Variants in ATP2C1 observed in about 807,000 individuals in gnomAD.
ATP2C1 encodes the protein calcium-transporting ATPase type 2C member 1.
ATP2C1 carries 31 observed loss-of-function variants against 120.5 expected under a neutral mutation model. That is an observed-to-expected ratio of 0.26 (90% confidence interval 0.19 to 0.35). The LOEUF (loss-of-function observed/expected upper bound fraction) is 0.35. ATP2C1 is among the 10% of genes least tolerant of loss of function. The probability of loss-of-function intolerance (pLI) is 1.00; values close to 1 mark genes in which losing one functional copy is unlikely to be tolerated. For synonymous variants in ATP2C1, 351 were observed against 358.7 expected, an observed-to-expected ratio of 0.98 and a Z score of 0.24; for missense variants, 731 against 1,107.5, an observed-to-expected ratio of 0.66 and a Z score of 4.83.
chr3:130,914,323 G>GT (rs147244849), intron 2 of ATP2C1: 5,540 of 147,010 alleles, frequency 0.038, 191 homozygotes, highest in African/African-American at 0.09. Flanking sequence ...TTTTTTGTTT[G>GT]TTTTTTTTTT....
intron 18 of ATP2C1, among the ~76,000 whole-genome samples, chr3:130,977,857 T>TA (rs2061590348): frequency 6.6e-6 from 1 of 152,356 alleles, no homozygotes; most frequent in African/African-American, 2.4e-5. Context: ...GATATGTACT[T>TA]ACATTACATC....
At chr3:130,922,558 G>A (rs1307675507) in intron 2 of ATP2C1, among the ~76,000 whole-genome samples, 1 of 152,064 alleles carries the variant, frequency 6.6e-6, no homozygotes, top group African/African-American at 2.4e-5. Flanking sequence ...TAGATTGTCT[G>A]TGCTCTTTCA....
At chr3:130,940,751 T>A in intron 7 of ATP2C1, 60 bp downstream of exon 7, 1 of 1,226,024 alleles carries the variant, frequency 8.2e-7, no homozygotes. Context: ...TGAATGTGAC[T>A]AGTACCGTAC....
chr3:130,879,635 A>G (rs1301385177), intron 1 of ATP2C1, among the ~76,000 whole-genome samples: 1 of 152,030 alleles, frequency 6.6e-6, no homozygotes, highest in African/African-American at 2.4e-5. Context: ...CTCTATGTTA[A>G]TATCTGTGCA....
intron 8 of ATP2C1, among the ~76,000 whole-genome samples, chr3:130,951,139 T>G (rs1435063111): frequency 1.3e-5 from 2 of 152,190 alleles, no homozygotes; most frequent in Admixed American, 1.3e-4. Context: ...TATATAAATT[T>G]ACTTGTAATT....
At chr3:130,930,580 A>G (rs1310226965) in intron 3 of ATP2C1, 54 bp downstream of exon 3, 1 of 1,099,012 alleles carries the variant, frequency 9.1e-7, no homozygotes, top group East Asian at 2.4e-5. Flanking sequence ...AGTCACTTAG[A>G]CTCTATAAAA....
chr3:130,855,414 C>T (rs1159259755), intron 1 of ATP2C1, among the ~76,000 whole-genome samples: 3 of 152,066 alleles, frequency 2.0e-5, no homozygotes, highest in Admixed American at 6.6e-5. Flanking sequence ...GGAGGGTTCA[C>T]GGGGCTGAGG....
chr3:130,930,093 A>G (rs2059389056), intron 2 of ATP2C1: 3 of 373,614 alleles, frequency 8.0e-6, no homozygotes, highest in Non-Finnish European at 1.5e-5. Flanking sequence ...GATTATTTGT[A>G]ATCATCAGGA....
intron 1 of ATP2C1, chr3:130,868,568 T>G (rs879670553): frequency 3.9e-4 from 21 of 53,510 alleles, no homozygotes; most frequent in Admixed American, 2.9e-3. Flanking sequence ...GCCCCCCGCC[T>G]GGCCAGCCGC....
chr3:130,892,551 T>C (rs1202457132), upstream of ATP2C1, among the ~76,000 whole-genome samples: 1 of 151,928 alleles, frequency 6.6e-6, no homozygotes. Flanking sequence ...AAAAGAAAGG[T>C]AAATCTAAAA....
chr3:130,956,704 G>A (rs1448766201), intron 11 of ATP2C1, among the ~76,000 whole-genome samples: 2 of 151,862 alleles, frequency 1.3e-5, no homozygotes, highest in African/African-American at 2.4e-5. Flanking sequence ...TAGTCAAAGG[G>A]GATCCATGTA....
At chr3:130,941,352 A>G (rs545735941) in intron 7 of ATP2C1, among the ~76,000 whole-genome samples, 3 of 152,048 alleles carry the variant, frequency 2.0e-5, no homozygotes, top group African/African-American at 4.8e-5. Flanking sequence ...GTGATTCACA[A>G]TCAAACAGAC....
At chr3:130,928,053 C>T (rs1028824927) in intron 2 of ATP2C1, 7 of 152,568 alleles carry the variant, frequency 4.6e-5, no homozygotes, top group Non-Finnish European at 1.0e-4. Context: ...GGGCAGCTTC[C>T]ATGTTCTTCG....
chr3:130,956,040 TG>T, intron 10 of ATP2C1, 63 bp from the exon 11 acceptor site: 1 of 1,114,390 alleles, frequency 9.0e-7, no homozygotes, highest in Non-Finnish European at 1.4e-6. Flanking sequence ...AGCAAGCCCC[TG>T]GCACTTGATA....
intron 1 of ATP2C1, among the ~76,000 whole-genome samples, chr3:130,855,576 G>A (rs1011971613): frequency 4.7e-4 from 72 of 152,192 alleles, no homozygotes; most frequent in African/African-American, 1.6e-3. Context: ...GCCCAAGCTC[G>A]CATGGCTCAT....
chr3:130,921,221 A>G (rs912707859), intron 2 of ATP2C1, among the ~76,000 whole-genome samples: 4 of 145,160 alleles, frequency 2.8e-5, no homozygotes, highest in Non-Finnish European at 6.1e-5. Flanking sequence ...AGCTGGGATT[A>G]TAGGTGCCTG....
At chr3:130,896,478 AT>A (rs538181548) in intron 2 of ATP2C1, among the ~76,000 whole-genome samples, 228 of 151,412 alleles carry the variant, frequency 1.5e-3, no homozygotes, top group Middle Eastern at 3.4e-3. Context: ...CTATCGTCAC[AT>A]TTTTTTTTAT....
rs74926099 is a variant in ATP2C1, at chr3:130,966,965, A to C, written c.1123-180A>C. Among the ~76,000 whole-genome samples, 4,098 of 152,270 alleles carry C rather than the reference A, an allele frequency of 0.027. 184 individuals are homozygous for C. The highest frequency in any genetic ancestry group is 0.093 in the African/African-American group (3,869 of 41,544). On this transcript the variant is annotated intron_variant, in intron 14 of 27. Transcript: ENST00000510168. The stretch of plus-strand genomic sequence containing the variant: ...AATTGTGATGAGAATTAGAATCTAT[A>C]TTTCTTTACTAAATGTCCTTTTTAA...
upstream of ATP2C1, among the ~76,000 whole-genome samples, chr3:130,891,975 C>G (rs1412232567): frequency 2.0e-5 from 3 of 152,026 alleles, no homozygotes; most frequent in African/African-American, 7.2e-5. Context: ...TAAAGTTGAT[C>G]TTGATCTTAC....
Sources: gnomAD v4.1 joint callset for allele counts (sites outside exome capture counted in the v4.1 genomes callset) on GRCh38, gnomAD v4.1.1 for gene constraint, MANE v1.5 for transcripts, NCBI Gene and HGNC (gene_info 2026-07-23, HGNC 2026-07-21) for gene names.